The following NLRP8 variants were observed in gnomAD, a reference collection of about 807,000 sequenced individuals.
The protein encoded by NLRP8 is NACHT, LRR and PYD domains-containing protein 8.
A neutral mutation model predicts 88.7 loss-of-function variants in NLRP8; 86 were observed. The ratio of observed to expected loss-of-function variants is 0.97; its 90% CI spans 0.81 to 1.16. NLRP8 has a LOEUF of 1.16. Ranked by LOEUF, NLRP8 falls within the 50% of genes most tolerant of loss-of-function variation. NLRP8 has a pLI of 0.00. For missense variants in NLRP8, 1,342 were observed against 1,286.5 expected (o/e 1.04, Z -0.66); for synonymous variants, 504 against 494.6 (o/e 1.02, Z -0.25).
rs753791661 is a variant in NLRP8 at position 55,973,775 on chromosome 19, T to C, written c.2658T>C (p.His886=). The C allele has an allele frequency of 3.7e-6, 6 of 1,613,898 alleles. No homozygotes were observed. Among genetic ancestry groups the C allele is most frequent in the African/African-American group, 1.3e-5 (1 of 74,932 alleles). Residue 886 remains histidine (H), a synonymous_variant, in exon 7 of 10, where the codon CAT becomes CAC. Coordinates refer to ENST00000291971, the MANE Select transcript of NLRP8 (RefSeq NM_176811.2). The stretch of plus-strand genomic sequence containing the variant: ...CCTTGAAAGATGAAGGGGCCAAGCA[T>C]ATTTGGAATGCCCTGCCACACCTGA...
chr19:55,986,428 T>A lies in NLRP8; in HGVS notation c.3048-1386T>A, dbSNP rs10409739. ...GTCTCTGTCTCACACATTCTCTCTC[T>A]CACACACACATGCACTCTCTCTCTC... On this transcript the variant is annotated intron_variant, in intron 9 of 9. Transcript: ENST00000291971. Among the ~76,000 whole-genome samples the A allele has an allele frequency of 2.5e-3, 362 of 146,192 alleles. 4 individuals carry two copies. Among genetic ancestry groups the A allele is most frequent in the African/African-American group, 8.7e-3 (337 of 38,924 alleles).
intron 6 of NLRP8, among the ~76,000 whole-genome samples, chr19:55,971,638 G>T (rs1451502175): frequency 2.1e-5 from 3 of 143,828 alleles, no homozygotes. Flanking sequence ...GTTTCTAATT[G>T]TTGGCTACAC....
intron 9 of NLRP8, among the ~76,000 whole-genome samples, chr19:55,986,645 C>T (rs550805716): frequency 2.6e-5 from 4 of 152,344 alleles, no homozygotes; most frequent in African/African-American, 9.6e-5. Flanking sequence ...AGTGCCTGTT[C>T]CCTGGGGCTG....
intron 3 of NLRP8, among the ~76,000 whole-genome samples, chr19:55,957,673 T>TATATATATATA (rs1378405360): frequency 3.2e-5 from 1 of 31,216 alleles, no homozygotes; most frequent in African/African-American, 2.4e-4. Context: ...AAAATAATAA[T>TATATATATATA]TATATATATA....
Position 55,986,483 on chromosome 19 carries a change from C to CACACACACACAT in NLRP8, c.3048-1320_3048-1319insTACACACACACA, listed in dbSNP as rs1555759211. Among the ~76,000 whole-genome samples, 76 of 149,514 alleles carry CACACACACACAT rather than the reference C, an allele frequency of 5.1e-4. 1 individual carries two copies. The highest frequency in any genetic ancestry group is 8.5e-4 in the South Asian group (4 of 4,722). On this transcript the variant is annotated intron_variant, in intron 9 of 9. Transcript: ENST00000291971. ...ACACACTCTCTCACATACACACACA[C>CACACACACACAT]ACACACACACACACACACACACACA...
intron 9 of NLRP8, among the ~76,000 whole-genome samples, chr19:55,987,257 C>T (rs898510809): frequency 2.0e-5 from 3 of 152,186 alleles, no homozygotes; most frequent in African/African-American, 7.2e-5. Flanking sequence ...ATAATCCCAC[C>T]TTCTAGGGAG....
At position 55,966,256 on chromosome 19, in the gene NLRP8, G is replaced by C. The variant is rs763415898; in HGVS notation, c.2257G>C (p.Gly753Arg). The C allele has an allele frequency of 1.2e-6, 2 of 1,614,096 alleles. No individual in the cohort carries two copies. The highest frequency in any genetic ancestry group is 1.3e-5 in the African/African-American group (1 of 75,022). The change falls in exon 5 of 10, where the codon GGT becomes CGT. Residue 753 changes from glycine to arginine, a missense_variant. Gly to Arg is a moderately radical substitution (Grantham distance 125, BLOSUM62 -2). Transcript: ENST00000291971. ...CACCATGTTGAACCAGGACTTAATC[G>C]GTGTTTTGACGGGGAACCAGCATCT...
chr19:55,979,346 G>A (rs1980474739), intron 8 of NLRP8, 48 bp from the exon 9 acceptor site: 1 of 1,601,838 alleles, frequency 6.2e-7, no homozygotes. Flanking sequence ...GCTCTCAGAT[G>A]AGTTGTGATG....
At position 55,973,577 on chromosome 19, in the gene NLRP8, G is replaced by A. The variant is rs1980171864; in HGVS notation, c.2535-75G>A. The A allele has an allele frequency of 5.9e-6, 8 of 1,364,332 alleles. No individual in the cohort carries two copies. In the South Asian group the frequency reaches 1.1e-4, roughly 19 times the overall value. The allele number at this position is 1,364,332 out of a possible 1,614,324, so 84.5% of individuals were successfully genotyped here. On this transcript the variant is annotated intron_variant, in intron 6 of 9. Transcript: ENST00000291971. ...CTTCTGCATCCAGAGGGAGAGCCCT[G>A]ACTGAGAAGATCACCCTTCTGTGTG...
At chr19:55,953,530 T>G (rs1247366198) in intron 2 of NLRP8, among the ~76,000 whole-genome samples, 1 of 152,016 alleles carries the variant, frequency 6.6e-6, no homozygotes, top group Non-Finnish European at 1.5e-5. Context: ...GGAGTCTCGC[T>G]CTGTCGCCCA....
At position 55,966,350 on chromosome 19, in the gene NLRP8, G is replaced by C. The variant is rs763332267; in HGVS notation, c.2351G>C (p.Arg784Thr). The C allele has an allele frequency of 6.2e-7, 1 of 1,614,094 alleles. No homozygotes were observed. Among genetic ancestry groups the C allele is most frequent in the South Asian group, 1.1e-5 (1 of 91,074 alleles). ...GTGAAGCTTCTATGCAGGGTGCTGA[G>C]ATCCCCCCGGTGCCGTCTGCAGTGT... The change falls in exon 5 of 10, where the codon AGA becomes ACA. Residue 784 changes from arginine (R) to threonine (T), a missense_variant. By Grantham distance (71) the Arg-to-Thr change is moderately conservative (BLOSUM62 -1). Coordinates refer to ENST00000291971, the MANE Select transcript of NLRP8 (RefSeq NM_176811.2).
intron 9 of NLRP8, among the ~76,000 whole-genome samples, chr19:55,986,550 G>A (rs1390699462): frequency 2.0e-5 from 3 of 151,954 alleles, no homozygotes; most frequent in Non-Finnish European, 4.4e-5. Flanking sequence ...GTGAGCATCC[G>A]GGCGCCCTCA....
At chr19:55,981,786 T>A (rs1384133998) in intron 9 of NLRP8, among the ~76,000 whole-genome samples, 4 of 152,246 alleles carry the variant, frequency 2.6e-5, no homozygotes, top group Non-Finnish European at 5.9e-5. Flanking sequence ...AAATTAGTTA[T>A]GGCAGCATTT....
chr19:55,955,236 G>GC lies in NLRP8; in HGVS notation c.1180dup (p.Arg394ProfsTer40), dbSNP rs1979287691. On this transcript the variant is annotated frameshift_variant, in exon 3 of 10. Transcript: ENST00000291971. LOFTEE classifies it high-confidence loss of function. ...GAAAACACCATTCTCTTCTCCATGT[G>GC]CCGGGTCCCTGTGGTTTGCTGGATG... The GC allele has an allele frequency of 1.2e-6, 2 of 1,614,080 alleles. No homozygotes were observed. The highest frequency in any genetic ancestry group is 1.7e-6 in the Non-Finnish European group (2 of 1,180,050).
In NLRP8 at chr19:55,962,191, C is replaced by G. The variant is rs369510323; in HGVS notation, c.2167C>G (p.Leu723Val). ...TTTGGGGCCTCCTTTTTTGAAGGCT[C>G]TCGCGGCCGCACTGAGGCACCCTCA... The change falls in exon 4 of 10, where the codon CTC (leucine) becomes GTC (valine). Residue 723 changes from leucine (L) to valine (V), a missense_variant. Physicochemically the swap from Leu to Val is conservative, Grantham distance 32. Transcript: ENST00000291971. 1 of 1,614,050 alleles carries G rather than the reference C, an allele frequency of 6.2e-7. No individual in the cohort carries two copies. The highest frequency in any genetic ancestry group is 1.3e-5 in the African/African-American group (1 of 74,932).
Position 55,957,162 on chromosome 19 carries a change from T to C in NLRP8, c.2042+1062T>C, listed in dbSNP as rs145111975. Among the ~76,000 whole-genome samples the C allele has an allele frequency of 9.1e-4, 138 of 152,308 alleles. 1 individual carries two copies. The East Asian group carries it at 0.021, about 23-fold the overall frequency. ...GTGCTGCTAATGGAACTTAACGTGA[T>C]GATGAAGACATCCTGAATCTGTCTT... On this transcript the variant is annotated intron_variant, in intron 3 of 9. Transcript: ENST00000291971.
In NLRP8 at chr19:55,947,976, C is replaced by T. The variant is rs306507; in HGVS notation, c.74C>T (p.Pro25Leu). The change falls in exon 1 of 10, where the codon CCG becomes CTG. Residue 25 changes from proline to leucine, a missense_variant. Physicochemically the swap from Pro to Leu is moderately conservative, Grantham distance 98. Coordinates refer to ENST00000291971, the MANE Select transcript of NLRP8 (RefSeq NM_176811.2). ...TCCTCCACTCACAGTTCTCATATTCCGCCCTGGACATTCTCTTGCTACCCC... is the reference window on the plus strand; with the variant it reads ...TCCTCCACTCACAGTTCTCATATTCTGCCCTGGACATTCTCTTGCTACCCC... 986,253 of 1,613,630 alleles carry T rather than the reference C, an allele frequency of 0.61. 304,866 individuals are homozygous for T. Among genetic ancestry groups the T allele is most frequent in the East Asian group, 0.81 (36,396 of 44,840 alleles).
At chr19:55,987,342 C>T (rs1980895861) in intron 9 of NLRP8, among the ~76,000 whole-genome samples, 1 of 152,204 alleles carries the variant, frequency 6.6e-6, no homozygotes, top group Non-Finnish European at 1.5e-5. Flanking sequence ...TGCACTCCAG[C>T]GTGGGTGACA....
chr19:55,950,200 C>T (rs1340877342), intron 1 of NLRP8, among the ~76,000 whole-genome samples: 1 of 149,944 alleles, frequency 6.7e-6, no homozygotes, highest in Non-Finnish European at 1.5e-5. Context: ...CACCCAAGGT[C>T]AGGAGTTCAA....
Sources: allele counts gnomAD v4.1 joint callset (sites outside exome capture counted in the v4.1 genomes callset), GRCh38; gene constraint gnomAD v4.1.1; transcripts MANE v1.5; gene names NCBI Gene and HGNC (gene_info 2026-07-23, HGNC 2026-07-21).